CPM: variants seen among roughly 807,000 people sequenced by gnomAD.
CPM encodes the protein carboxypeptidase M.
CPM carries 35 observed loss-of-function variants against 46.4 expected under a neutral mutation model. The observed-to-expected ratio is 0.75, with a 90% confidence interval of 0.58 to 1.00. The LOEUF (loss-of-function observed/expected upper bound fraction) is 1.00. Ranked by LOEUF, CPM falls within the 50% of genes least tolerant of loss-of-function variation. CPM has a pLI of 0.00. For synonymous variants in CPM, 195 were observed against 195.3 expected (o/e 1.00, Z 0.01); for missense variants, 422 against 530.4 (o/e 0.80, Z 2.01).
At chr12:68,901,235 A>AT (rs1350919417) in intron 2 of CPM, among the ~76,000 whole-genome samples, 1 of 152,198 alleles carries the variant, frequency 6.6e-6, no homozygotes, top group Non-Finnish European at 1.5e-5. Context: ...CTTAAAAAAA[A>AT]GCTGGTGAGG....
chr12:68,921,510 A>G (rs1481561759), intron 2 of CPM, among the ~76,000 whole-genome samples: 1 of 152,008 alleles, frequency 6.6e-6, no homozygotes, highest in Non-Finnish European at 1.5e-5. Context: ...CTCTTTTCTT[A>G]TTACATGTTT....
rs1884914051 is a variant in CPM at position 68,855,291 on chromosome 12, T to G, written c.*1146A>C. ...GAGAATGCAGCAGGAAGAGCAGCTC[T>G]AGGGGGAACAGGATGAGTATCTCCA... On this transcript the variant is annotated 3_prime_UTR_variant, in exon 9 of 9. Transcript: ENST00000551568. The G allele has an allele frequency of 1.3e-5, 2 of 152,312 alleles. No individual in the cohort carries two copies. The highest frequency in any genetic ancestry group is 2.9e-5 in the Non-Finnish European group (2 of 68,184). The allele number at this position is 152,312 out of a possible 1,614,324, so 9.4% of individuals were successfully genotyped here.
intron 2 of CPM, among the ~76,000 whole-genome samples, chr12:68,896,318 T>C (rs1565785767): frequency 6.6e-6 from 1 of 152,150 alleles, no homozygotes; most frequent in African/African-American, 2.4e-5. Flanking sequence ...CTTTGAACTT[T>C]CATAGATAGT....
rs1333306899 is a variant in CPM at position 68,853,843 on chromosome 12, AGAG to A, written c.*2591_*2593del. ...AGGGAAAGGAGGGAGGAAGGTAGGA[AGAG>A]GAGAAGGAAGGAAGAAAGGAAAGAA... On this transcript the variant is annotated 3_prime_UTR_variant, in exon 9 of 9. Transcript: ENST00000551568. 6.6e-6 allele frequency: 1 copy of A among 152,182 alleles called. No individual in the cohort carries two copies. Among genetic ancestry groups the A allele is most frequent in the East Asian group, 1.9e-4 (1 of 5,186 alleles). The allele number at this position is 152,182 out of a possible 1,614,324, so 9.4% of individuals were successfully genotyped here.
At chr12:68,962,210 A>AAAAAAAAAAAAAAAC (rs1565812987) in intron 1 of CPM, among the ~76,000 whole-genome samples, 2 of 146,006 alleles carry the variant, frequency 1.4e-5, no homozygotes, top group African/African-American at 2.7e-5. Flanking sequence ...AAAAAAAAAA[A>AAAAAAAAAAAAAAAC]AAAAAAAACC....
chr12:68,897,707 A>G (rs1454159748), intron 2 of CPM, among the ~76,000 whole-genome samples: 1 of 146,660 alleles, frequency 6.8e-6, no homozygotes, highest in Non-Finnish European at 1.5e-5. Flanking sequence ...ATTGCACTCC[A>G]GTCTGGGTGA....
At chr12:68,870,587 G>A (rs893430735) in intron 4 of CPM, among the ~76,000 whole-genome samples, 188 bp from the exon 5 acceptor site, 22 of 152,170 alleles carry the variant, frequency 1.4e-4, no homozygotes, top group African/African-American at 5.3e-4. Flanking sequence ...CCCCTGCCTC[G>A]TGATCTGCTC....
rs1395639093 is a variant in CPM at position 68,856,963 on chromosome 12, G to C, written c.1090-284C>G. ...AAGTCAAGAGAAGGAAGCAGCAGAT[G>C]TTTCTGCCACCATCCTTTTCGTGGG... On this transcript the variant is annotated intron_variant, in intron 8 of 8. Coordinates refer to ENST00000551568, the MANE Select transcript of CPM (RefSeq NM_198320.5). 3.3e-5 allele frequency among the ~76,000 whole-genome samples: 5 copies of C among 152,084 alleles called. No homozygotes were observed. In the South Asian group the frequency reaches 8.3e-4, roughly 25 times the overall value.
chr12:68,922,560 T>G (rs74099496), intron 2 of CPM, among the ~76,000 whole-genome samples: 9,916 of 151,926 alleles, frequency 0.065, 697 homozygotes, highest in African/African-American at 0.17. Flanking sequence ...CAACTCCGGG[T>G]AAGTGCGTGA....
chr12:68,872,404 C>T (rs1164844085), intron 3 of CPM, among the ~76,000 whole-genome samples: 1 of 152,022 alleles, frequency 6.6e-6, no homozygotes, highest in East Asian at 1.9e-4. Flanking sequence ...AGGCGTGTGC[C>T]ACCACGCCCA....
intron 1 of CPM, among the ~76,000 whole-genome samples, chr12:68,944,719 T>TG (rs1219174082): frequency 9.5e-6 from 1 of 104,762 alleles, no homozygotes; most frequent in African/African-American, 3.3e-5. Flanking sequence ...TGTTTTTTGT[T>TG]TTTTTTTTTT....
Position 68,908,526 on chromosome 12 carries a change from G to A in CPM, c.161-22637C>T, listed in dbSNP as rs952870094. On this transcript the variant is annotated intron_variant, in intron 2 of 8. Coordinates refer to ENST00000551568, the MANE Select transcript of CPM (RefSeq NM_198320.5). ...CTTCAAACTCCTCTTGGCTCTTTCT[G>A]CTTACCAAAGTCATACATACTTTTT... Among the ~76,000 whole-genome samples the A allele has an allele frequency of 4.6e-5, 7 of 151,004 alleles. No homozygotes were observed. In the South Asian group the frequency reaches 1.5e-3, roughly 32 times the overall value.
At chr12:68,842,422 A>C (rs1214898040) in intron 5 of CPM, 3 of 470,766 alleles carry the variant, frequency 6.4e-6, no homozygotes, top group Non-Finnish European at 8.4e-6. Flanking sequence ...CTATATTTAC[A>C]TTTGAAAATC....
At chr12:68,952,097 A>G (rs1396514044) in intron 1 of CPM, among the ~76,000 whole-genome samples, 2 of 152,212 alleles carry the variant, frequency 1.3e-5, no homozygotes, top group Non-Finnish European at 2.9e-5. Context: ...TTCATATCCA[A>G]GTGATAATAA....
chr12:68,932,218 T>A (rs1888540581), intron 2 of CPM, among the ~76,000 whole-genome samples: 1 of 152,188 alleles, frequency 6.6e-6, no homozygotes, highest in Non-Finnish European at 1.5e-5. Context: ...AAAGGCTAAC[T>A]ACAGATGACA....
At chr12:68,902,218 C>A (rs1013305734) in intron 2 of CPM, among the ~76,000 whole-genome samples, 4 of 152,064 alleles carry the variant, frequency 2.6e-5, no homozygotes, top group Non-Finnish European at 5.9e-5. Flanking sequence ...ATAATTTAAA[C>A]CATGAGTGGT....
chr12:68,948,135 A>T (rs1474523993), intron 1 of CPM, among the ~76,000 whole-genome samples: 1 of 152,204 alleles, frequency 6.6e-6, no homozygotes, highest in Non-Finnish European at 1.5e-5. Context: ...CAACAGAAAC[A>T]CTGAAGCTTA....
intron 3 of CPM, among the ~76,000 whole-genome samples, chr12:68,880,201 A>G (rs952521674): frequency 1.6e-4 from 24 of 152,196 alleles, no homozygotes; most frequent in Non-Finnish European, 1.5e-5. Context: ...CAACATGCCA[A>G]TATGTGTGCA....
At chr12:68,923,284 T>A in intron 2 of CPM, among the ~76,000 whole-genome samples, 1 of 151,626 alleles carries the variant, frequency 6.6e-6, no homozygotes, top group Non-Finnish European at 1.5e-5. Flanking sequence ...CTTTGCATTC[T>A]TAGAGAAAGG....
Sources: gnomAD v4.1 joint callset for allele counts (sites outside exome capture counted in the v4.1 genomes callset) on GRCh38, gnomAD v4.1.1 for gene constraint, MANE v1.5 for transcripts, NCBI Gene and HGNC (gene_info 2026-07-23, HGNC 2026-07-21) for gene names.